Variants in VAV3 observed in about 807,000 individuals in gnomAD.
VAV3 encodes the protein guanine nucleotide exchange factor VAV3.
VAV3 carries 94 observed loss-of-function variants against 131.2 expected under a neutral mutation model. The observed-to-expected ratio is 0.72, with a 90% CI of 0.61 to 0.85. The LOEUF (loss-of-function observed/expected upper bound fraction) is 0.85, where lower values mean the gene tolerates loss of function less well. Ranked by LOEUF, VAV3 falls within the 40% of genes least tolerant of loss-of-function variation. The pLI is 0.00. For synonymous variants in VAV3, 349 were observed against 342.0 expected (o/e 1.02, Z -0.22); for missense variants, 939 against 1,002.7 (o/e 0.94, Z 0.86).
intron 2 of VAV3, among the ~76,000 whole-genome samples, chr1:107,831,482 C>G (rs1313791906): frequency 1.3e-5 from 2 of 152,014 alleles, no homozygotes; most frequent in East Asian, 3.9e-4. Context: ...TGTTTATTCC[C>G]AATATTATTC....
At chr1:107,651,544 G>A (rs1461376831) in intron 19 of VAV3, among the ~76,000 whole-genome samples, 1 of 140,032 alleles carries the variant, frequency 7.1e-6, no homozygotes, top group African/African-American at 2.6e-5. Context: ...AAGTAAGGAA[G>A]GGAGGGAGGG....
At chr1:107,661,655 T>G (rs1215398422) in intron 19 of VAV3, among the ~76,000 whole-genome samples, 6 of 152,212 alleles carry the variant, frequency 3.9e-5, no homozygotes, top group African/African-American at 1.2e-4. Context: ...AAAGCATATG[T>G]GCATGTTTAT....
chr1:107,682,762 T>C (rs1052449665), intron 19 of VAV3, among the ~76,000 whole-genome samples: 1 of 152,228 alleles, frequency 6.6e-6, no homozygotes, highest in Admixed American at 6.5e-5. Flanking sequence ...AGCTACTCTA[T>C]TTCTCATGTT....
intron 1 of VAV3, among the ~76,000 whole-genome samples, chr1:107,899,717 G>A (rs928865480): frequency 7.2e-5 from 11 of 152,056 alleles, no homozygotes; most frequent in South Asian, 2.1e-4. Context: ...TCCCATTCCC[G>A]CCTGGGTATT....
chr1:107,666,251 A>C (rs933613324), intron 19 of VAV3, among the ~76,000 whole-genome samples: 3 of 152,230 alleles, frequency 2.0e-5, no homozygotes, highest in Non-Finnish European at 4.4e-5. Context: ...TGAGCTACCA[A>C]AGTCACAGAA....
intron 1 of VAV3, among the ~76,000 whole-genome samples, chr1:107,942,671 T>A (rs1432953222): frequency 6.6e-6 from 1 of 152,198 alleles, no homozygotes; most frequent in Non-Finnish European, 1.5e-5. Flanking sequence ...ACAAAACTTA[T>A]TTTTCAAACC....
rs942759759 is a variant in VAV3 at position 107,602,925 on chromosome 1, G to A, written c.2132+122C>T. ...CAAGTATTAATGAACTGTCTGGATA[G>A]ATGCATTATTTCTCCTTCAATTAGA... On this transcript the variant is annotated intron_variant, in intron 23 of 26. Coordinates refer to ENST00000370056, the MANE Select transcript of VAV3 (RefSeq NM_006113.5). The A allele has an allele frequency of 4.2e-6, 3 of 708,596 alleles. No homozygotes were observed. In the African/African-American group the frequency reaches 5.3e-5, roughly 13 times the overall value. 43.9% of individuals were successfully genotyped at this position (708,596 alleles called of 1,614,324 possible).
intron 15 of VAV3, among the ~76,000 whole-genome samples, chr1:107,705,575 C>T (rs879554510): frequency 2.6e-5 from 4 of 152,076 alleles, no homozygotes; most frequent in African/African-American, 4.8e-5. Flanking sequence ...AAATTCTTAA[C>T]ATTTCACTTT....
At chr1:107,736,244 C>G (rs1662622561) in intron 15 of VAV3, among the ~76,000 whole-genome samples, 1 of 152,078 alleles carries the variant, frequency 6.6e-6, no homozygotes, top group Non-Finnish European at 1.5e-5. Flanking sequence ...AACCCACAGC[C>G]AATATCATAC....
chr1:107,749,932 A>G (rs1304858912), intron 13 of VAV3, among the ~76,000 whole-genome samples: 1 of 152,208 alleles, frequency 6.6e-6, no homozygotes, highest in Non-Finnish European at 1.5e-5. Flanking sequence ...TTTAAAAGCT[A>G]AAAACCTATA....
chr1:107,578,424 G>T (rs561513831), intron 25 of VAV3, among the ~76,000 whole-genome samples: 7 of 152,254 alleles, frequency 4.6e-5, no homozygotes, highest in African/African-American at 1.7e-4. Context: ...TTGAGATCAT[G>T]ATATAATTTT....
At chr1:107,922,884 G>T (rs1161482128) in intron 1 of VAV3, among the ~76,000 whole-genome samples, 1 of 151,224 alleles carries the variant, frequency 6.6e-6, no homozygotes, top group Admixed American at 6.6e-5. Context: ...CCCGGGAGGC[G>T]GAGCTTGCAG....
chr1:107,660,984 A>T (rs1405212802), intron 19 of VAV3, among the ~76,000 whole-genome samples: 1 of 152,162 alleles, frequency 6.6e-6, no homozygotes, highest in Non-Finnish European at 1.5e-5. Context: ...TGTATACAAG[A>T]TGACCTCATT....
chr1:107,962,902 T>C (rs960262906), intron 1 of VAV3, among the ~76,000 whole-genome samples: 1 of 152,232 alleles, frequency 6.6e-6, no homozygotes, highest in Non-Finnish European at 1.5e-5. Context: ...GCAAGTATCC[T>C]GGTGTGCTCA....
chr1:107,881,166 A>G (rs1314301438), intron 1 of VAV3, among the ~76,000 whole-genome samples: 1 of 152,228 alleles, frequency 6.6e-6, no homozygotes, highest in Non-Finnish European at 1.5e-5. Context: ...GATGTGGCAT[A>G]GGAAGACAAG....
chr1:107,713,490 A>T (rs1452555867), intron 15 of VAV3, among the ~76,000 whole-genome samples: 1 of 152,146 alleles, frequency 6.6e-6, no homozygotes, highest in Non-Finnish European at 1.5e-5. Context: ...GAACATCCCA[A>T]TTGGAAAAAT....
rs532855701 is a variant in VAV3, at chr1:107,667,668, C to T, written c.1777+15820G>A. Among the ~76,000 whole-genome samples the T allele has an allele frequency of 3.9e-5, 6 of 152,094 alleles. No homozygotes were observed. The East Asian group carries it at 5.8e-4, about 15-fold the overall frequency. ...CTCTATAAATTATTTAAAATAGCAACATCCTGCTTAAAACCCTGTTTTCTA... is the reference window on the plus strand; with the variant it reads ...CTCTATAAATTATTTAAAATAGCAATATCCTGCTTAAAACCCTGTTTTCTA... On this transcript the variant is annotated intron_variant, in intron 19 of 26. Coordinates refer to ENST00000370056, the MANE Select transcript of VAV3 (RefSeq NM_006113.5).
At chr1:107,789,444 A>G (rs1002062206) in intron 2 of VAV3, among the ~76,000 whole-genome samples, 34 of 152,228 alleles carry the variant, frequency 2.2e-4, no homozygotes, top group African/African-American at 7.2e-4. Context: ...CTCAAAGAAA[A>G]TCATGAAGCA....
At chr1:107,804,766 TTTTG>T (rs1481216556) in intron 2 of VAV3, among the ~76,000 whole-genome samples, 3 of 152,202 alleles carry the variant, frequency 2.0e-5, no homozygotes, top group East Asian at 3.9e-4. Context: ...TTTTGGTTTT[TTTTG>T]TTTGTTTGTT....
Sources: gnomAD v4.1 joint callset for allele counts (sites outside exome capture counted in the v4.1 genomes callset) on GRCh38, gnomAD v4.1.1 for gene constraint, MANE v1.5 for transcripts, NCBI Gene and HGNC (gene_info 2026-07-23, HGNC 2026-07-21) for gene names.